The following HS3ST4 variants were observed in gnomAD, a reference collection of about 807,000 sequenced individuals.
HS3ST4 encodes heparan sulfate-glucosamine 3-sulfotransferase 4, also known as heparan sulfate glucosamine 3-O-sulfotransferase 4.
A neutral mutation model predicts 29.2 loss-of-function variants in HS3ST4; 17 were observed. That is an observed-to-expected ratio of 0.58 (90% CI 0.40 to 0.87). The LOEUF (loss-of-function observed/expected upper bound fraction) is 0.87, where lower values mean the gene tolerates loss of function less well. HS3ST4 is among the 40% of genes least tolerant of loss of function. The pLI, the probability that HS3ST4 is intolerant of heterozygous loss-of-function variation, is 0.00. For synonymous variants in HS3ST4, 314 were observed against 285.7 expected (o/e 1.10, Z -1.00); for missense variants, 627 against 634.5 (o/e 0.99, Z 0.13).
chr16:25,729,175 G>A (rs912630951), intron 1 of HS3ST4, among the ~76,000 whole-genome samples: 19 of 152,132 alleles, frequency 1.2e-4, no homozygotes, highest in African/African-American at 4.6e-4. Flanking sequence ...TCAGGAGCCG[G>A]GCTAAGAGTG....
intron 1 of HS3ST4, among the ~76,000 whole-genome samples, chr16:25,741,488 A>AACTTCAGATTCAAT (rs1357235541): frequency 3.3e-5 from 5 of 151,860 alleles, no homozygotes; most frequent in African/African-American, 9.7e-5. Context: ...AACTTGGTTG[A>AACTTCAGATTCAAT]ACTTCAGATT....
intron 1 of HS3ST4, among the ~76,000 whole-genome samples, chr16:26,079,327 C>T (rs1230922291): frequency 6.6e-6 from 1 of 152,164 alleles, no homozygotes; most frequent in Non-Finnish European, 1.5e-5. Flanking sequence ...CAAATGTATC[C>T]TTTGAAAATG....
chr16:25,732,183 A>G, intron 1 of HS3ST4, among the ~76,000 whole-genome samples: 1 of 152,146 alleles, frequency 6.6e-6, no homozygotes, highest in East Asian at 1.9e-4. Context: ...TCTAGAACAC[A>G]TATTGTGATT....
chr16:25,921,324 A>G (rs1210485431), intron 1 of HS3ST4, among the ~76,000 whole-genome samples: 5 of 152,236 alleles, frequency 3.3e-5, no homozygotes, highest in African/African-American at 7.2e-5. Flanking sequence ...CAGTTATTGT[A>G]TCTGGCAATT....
At chr16:25,826,822 G>A (rs751190981) in intron 1 of HS3ST4, among the ~76,000 whole-genome samples, 1 of 152,122 alleles carries the variant, frequency 6.6e-6, no homozygotes, top group African/African-American at 2.4e-5. Context: ...TAATTTCCAT[G>A]AGTGGGTTTA....
At chr16:25,772,656 G>C (rs144544709) in intron 1 of HS3ST4, among the ~76,000 whole-genome samples, 187 of 152,310 alleles carry the variant, frequency 1.2e-3, no homozygotes, top group African/African-American at 4.2e-3. Flanking sequence ...GTAAAAGTCA[G>C]TGGAGCTCAG....
intron 1 of HS3ST4, among the ~76,000 whole-genome samples, chr16:26,016,571 G>C (rs1969364042): frequency 6.6e-6 from 1 of 152,098 alleles, no homozygotes; most frequent in Non-Finnish European, 1.5e-5. Flanking sequence ...AATAATATCT[G>C]CATTAAATTT....
At chr16:25,889,195 T>G (rs2141667913) in intron 1 of HS3ST4, among the ~76,000 whole-genome samples, 1 of 152,338 alleles carries the variant, frequency 6.6e-6, no homozygotes, top group Non-Finnish European at 1.5e-5. Flanking sequence ...ATAGCAACAC[T>G]TCCGGAGATG....
chr16:26,013,654 C>T (rs1360677165), intron 1 of HS3ST4, among the ~76,000 whole-genome samples: 2 of 152,214 alleles, frequency 1.3e-5, no homozygotes, highest in South Asian at 4.1e-4. Flanking sequence ...GTGTTCTCAC[C>T]TCAGGGCCTT....
At chr16:25,994,917 A>G (rs1005627594) in intron 1 of HS3ST4, among the ~76,000 whole-genome samples, 2 of 152,156 alleles carry the variant, frequency 1.3e-5, no homozygotes, top group Non-Finnish European at 2.9e-5. Context: ...TCACTTCAAT[A>G]TGTCAATTTC....
At chr16:25,724,252 C>CT (rs1314620616) in intron 1 of HS3ST4, among the ~76,000 whole-genome samples, 7 of 151,934 alleles carry the variant, frequency 4.6e-5, no homozygotes, top group Admixed American at 4.6e-4. Flanking sequence ...GAAGAGCCAT[C>CT]TTTTTCTTGT....
intron 1 of HS3ST4, among the ~76,000 whole-genome samples, chr16:25,967,331 G>A (rs1003850846): frequency 4.0e-5 from 6 of 151,896 alleles, no homozygotes; most frequent in Non-Finnish European, 8.8e-5. Flanking sequence ...TTTTTGCATT[G>A]TTTTAGTAGA....
At chr16:26,117,175 G>A (rs925786405) in intron 1 of HS3ST4, among the ~76,000 whole-genome samples, 1 of 152,328 alleles carries the variant, frequency 6.6e-6, no homozygotes, top group South Asian at 2.1e-4. Context: ...ATTCGAATGT[G>A]CCTACAGAGT....
intron 1 of HS3ST4, among the ~76,000 whole-genome samples, chr16:26,094,636 A>G (rs1898901087): frequency 1.3e-5 from 2 of 152,214 alleles, no homozygotes; most frequent in Admixed American, 6.5e-5. Context: ...GAAAGAAACA[A>G]TCAGTACCAG....
At chr16:25,915,122 T>A (rs1008137959) in intron 1 of HS3ST4, among the ~76,000 whole-genome samples, 3 of 152,110 alleles carry the variant, frequency 2.0e-5, no homozygotes, top group Non-Finnish European at 2.9e-5. Flanking sequence ...TGGCCACATG[T>A]CTGCTGGGGC....
chr16:25,858,075 C>T (rs138434351), intron 1 of HS3ST4, among the ~76,000 whole-genome samples: 193 of 148,230 alleles, frequency 1.3e-3, no homozygotes, highest in African/African-American at 4.6e-3. Context: ...CTTTTTCTCT[C>T]TCTCGCTTTT....
At chr16:25,942,376 A>G (rs978111010) in intron 1 of HS3ST4, among the ~76,000 whole-genome samples, 8 of 152,202 alleles carry the variant, frequency 5.3e-5, no homozygotes, top group Non-Finnish European at 8.8e-5. Context: ...AAGGGTTATA[A>G]TCACATATCT....
At chr16:25,943,055 A>C (rs1968588396) in intron 1 of HS3ST4, among the ~76,000 whole-genome samples, 1 of 152,222 alleles carries the variant, frequency 6.6e-6, no homozygotes, top group African/African-American at 2.4e-5. Context: ...ACTAACCATA[A>C]CCATAATTCT....
At chr16:25,926,459 A>G (rs1968403884) in intron 1 of HS3ST4, among the ~76,000 whole-genome samples, 1 of 152,246 alleles carries the variant, frequency 6.6e-6, no homozygotes, top group African/African-American at 2.4e-5. Context: ...GCAGACCAGA[A>G]CAGTCTGTGT....
Sources: allele counts gnomAD v4.1 joint callset (sites outside exome capture counted in the v4.1 genomes callset), GRCh38; gene constraint gnomAD v4.1.1; transcripts MANE v1.5; gene names NCBI Gene and HGNC (gene_info 2026-07-23, HGNC 2026-07-21).